TMX3: variants seen among roughly 807,000 people sequenced by gnomAD.
The protein encoded by TMX3 is protein disulfide-isomerase TMX3.
Under a neutral mutation model 64.4 loss-of-function variants are expected in TMX3, and 40 were observed. The ratio of observed to expected loss-of-function variants is 0.62; its 90% confidence interval spans 0.48 to 0.81. The LOEUF is 0.81. Ranked by LOEUF, TMX3 falls within the 30% of genes least tolerant of loss-of-function variation. The pLI, the probability that TMX3 is intolerant of heterozygous loss-of-function variation, is 0.00. For missense variants in TMX3, 497 were observed against 534.5 expected, an observed-to-expected ratio of 0.93 and a Z score of 0.69; for synonymous variants, 189 against 175.7, an observed-to-expected ratio of 1.08 and a Z score of -0.60.
intron 8 of TMX3, among the ~76,000 whole-genome samples, chr18:68,692,697 C>T (rs757856033): frequency 6.6e-6 from 1 of 152,054 alleles, no homozygotes; most frequent in Non-Finnish European, 1.5e-5. Flanking sequence ...CAAATACATC[C>T]TTAAAACTAA....
At chr18:68,699,115 A>T (rs1811357350) in intron 6 of TMX3, among the ~76,000 whole-genome samples, 1 of 152,166 alleles carries the variant, frequency 6.6e-6, no homozygotes, top group Non-Finnish European at 1.5e-5. Flanking sequence ...TCACATTTAT[A>T]AAAAGAACAT....
In TMX3 at chr18:68,674,958, T is replaced by G. The variant is rs1912805135; in HGVS notation, c.*1975A>C. 6.6e-6 allele frequency: 1 copy of G among 152,166 alleles called. No individual in the cohort carries two copies. The highest frequency in any genetic ancestry group is 1.5e-5 in the Non-Finnish European group (1 of 67,994). The allele number at this position is 152,166 out of a possible 1,614,324, so 9.4% of individuals were successfully genotyped here. A position where few individuals can be genotyped will look rare whatever the true frequency, so the allele number is the denominator to read the frequency against. On this transcript the variant is annotated 3_prime_UTR_variant, in exon 16 of 16. Coordinates refer to ENST00000299608, the MANE Select transcript of TMX3 (RefSeq NM_019022.5). Reference sequence around the variant, plus strand: ...ATTTTGTGGATGTTTGCATTCACACTGAGCTTTACTCTTTTTTTCCTATTA... The same window carrying G: ...ATTTTGTGGATGTTTGCATTCACACGGAGCTTTACTCTTTTTTTCCTATTA...
chr18:68,697,944 T>G lies in TMX3; in HGVS notation c.480A>C (p.Glu160Asp). 6.2e-7 allele frequency: 1 copy of G among 1,607,156 alleles called. No individual in the cohort carries two copies. Among genetic ancestry groups the G allele is most frequent in the South Asian group, 1.1e-5 (1 of 90,414 alleles). ...AAAAAAGTCTTACTTTCAAAGGTGA[T>G]TCTCCACCTACATAAACGAAAAATA... is the stretch of plus-strand genomic sequence containing the variant. ...HRVFFVYVGGESPLKEKYIDA... is the reference protein window; with the variant it reads ...HRVFFVYVGGDSPLKEKYIDA... Residue 160 changes from glutamate to aspartate, a missense_variant, in exon 7 of 16, where the codon GAA becomes GAC. Glu to Asp is a conservative substitution (Grantham distance 45). Coordinates refer to ENST00000299608, the MANE Select transcript of TMX3 (RefSeq NM_019022.5).
chr18:68,714,233 CTTT>C (rs759120587), intron 1 of TMX3: 33 of 168,512 alleles, frequency 2.0e-4, no homozygotes, highest in Non-Finnish European at 3.7e-4. Flanking sequence ...CAGCATTCTT[CTTT>C]ATTTCTTTTG....
intron 13 of TMX3, among the ~76,000 whole-genome samples, chr18:68,681,893 T>C (rs1879198137): frequency 6.6e-6 from 1 of 152,144 alleles, no homozygotes; most frequent in Non-Finnish European, 1.5e-5. Flanking sequence ...TAAGCCCAGT[T>C]TTCCTACTAC....
chr18:68,690,915 G>T (rs1914460113), intron 9 of TMX3: 2 of 190,256 alleles, frequency 1.1e-5, no homozygotes, highest in Non-Finnish European at 1.1e-5. Context: ...ATTAGGGAGG[G>T]ATACACAGGG....
At chr18:68,698,433 T>C (rs1016596430) in intron 6 of TMX3, among the ~76,000 whole-genome samples, 1 of 152,112 alleles carries the variant, frequency 6.6e-6, no homozygotes, top group Non-Finnish European at 1.5e-5. Flanking sequence ...GTGAATACCA[T>C]CCCAGGAATA....
intron 2 of TMX3, 22 bp downstream of exon 2, chr18:68,713,824 A>C: frequency 8.3e-7 from 1 of 1,211,862 alleles, no homozygotes; most frequent in African/African-American, 1.5e-5. Flanking sequence ...ATAATATTTT[A>C]AATATATATA....
intron 10 of TMX3, chr18:68,686,833 C>G: frequency 2.0e-6 from 2 of 985,180 alleles, no homozygotes; most frequent in Non-Finnish European, 2.4e-6. Flanking sequence ...AGACACAGAA[C>G]ATTAAAAGCA....
At chr18:68,678,805 A>G (rs1489170157) in intron 15 of TMX3, among the ~76,000 whole-genome samples, 1 of 152,162 alleles carries the variant, frequency 6.6e-6, no homozygotes, top group African/African-American at 2.4e-5. Context: ...TACATATAAC[A>G]ACTGTGAATA....
At chr18:68,698,613 C>T (rs1915345378) in intron 6 of TMX3, among the ~76,000 whole-genome samples, 1 of 151,958 alleles carries the variant, frequency 6.6e-6, no homozygotes, top group Non-Finnish European at 1.5e-5. Flanking sequence ...ATAAGAACCT[C>T]ATGAAGAGAA....
intron 1 of TMX3, chr18:68,714,585 G>A (rs1204651469): frequency 5.3e-6 from 2 of 375,786 alleles, no homozygotes; most frequent in Non-Finnish European, 4.8e-6. Context: ...GGAACCTAAA[G>A]CCAAGGCAAG....
intron 6 of TMX3, 63 bp downstream of exon 6, chr18:68,700,342 T>C (rs1191842191): frequency 3.5e-6 from 4 of 1,158,398 alleles, no homozygotes; most frequent in Admixed American, 4.9e-5. Flanking sequence ...ATACAGTCTA[T>C]TAAAATATAT....
At chr18:68,694,745 G>A (rs1374546826) in intron 8 of TMX3, among the ~76,000 whole-genome samples, 1 of 152,190 alleles carries the variant, frequency 6.6e-6, no homozygotes, top group Non-Finnish European at 1.5e-5. Context: ...AAACCAAAAT[G>A]GGTTTAAGTT....
At chr18:68,689,502 T>C (rs897364085) in intron 9 of TMX3, among the ~76,000 whole-genome samples, 3 of 136,244 alleles carry the variant, frequency 2.2e-5, no homozygotes, top group African/African-American at 1.1e-4. Context: ...TCATTGATTA[T>C]TTTATCGTGG....
intron 14 of TMX3, among the ~76,000 whole-genome samples, chr18:68,680,184 ATGTT>A (rs1913284646): frequency 6.6e-6 from 1 of 152,172 alleles, no homozygotes; most frequent in Admixed American, 6.5e-5. Context: ...GAAAGTAGTT[ATGTT>A]TGTTACTCTG....
chr18:68,687,732 T>TTGA lies in TMX3; in HGVS notation c.668_670dup (p.Ile223dup), dbSNP rs1237559642. On this transcript the variant is annotated inframe_insertion, in exon 10 of 16. Transcript: ENST00000299608. ...AAGGTAATTCTGAAACCTTTCCCTG[T>TTGA]TGATCCATGATGACAGATCACCATC... 9.3e-6 allele frequency: 15 copies of TTGA among 1,612,348 alleles called. No homozygotes were observed. The highest frequency in any genetic ancestry group is 9.3e-6 in the Non-Finnish European group (11 of 1,179,304).
intron 6 of TMX3, among the ~76,000 whole-genome samples, chr18:68,699,906 C>T (rs923607652): frequency 6.6e-6 from 1 of 152,082 alleles, no homozygotes; most frequent in Non-Finnish European, 1.5e-5. Flanking sequence ...TGCACGAATA[C>T]CTCACAGCTG....
chr18:68,697,584 A>G, intron 7 of TMX3: 1 of 334,716 alleles, frequency 3.0e-6, no homozygotes, highest in Non-Finnish European at 5.4e-6. Context: ...AGACAAAATG[A>G]TGGTGATGAT....
Sources: allele counts gnomAD v4.1 joint callset (sites outside exome capture counted in the v4.1 genomes callset), GRCh38; gene constraint gnomAD v4.1.1; transcripts MANE v1.5; gene names NCBI Gene and HGNC (gene_info 2026-07-23, HGNC 2026-07-21).